Variants in PCDHAC2 observed in about 807,000 individuals in gnomAD.
The protein encoded by PCDHAC2 is protocadherin alpha subfamily C, 2.
A neutral mutation model predicts 63.3 loss-of-function variants in PCDHAC2; 24 were observed. That is an observed-to-expected ratio of 0.38 (90% confidence interval 0.27 to 0.53). The LOEUF is 0.53. Among genes scored for constraint, PCDHAC2 ranks in the 20% least tolerant of loss-of-function variants. PCDHAC2 has a pLI of 0.81. For missense variants in PCDHAC2, 1,181 were observed against 1,275.2 expected (o/e 0.93, Z 1.12); for synonymous variants, 569 against 529.4 (o/e 1.07, Z -1.03).
At chr5:140,984,083 A>C (rs2097086103) in intron 3 of PCDHAC2, among the ~76,000 whole-genome samples, 1 of 152,226 alleles carries the variant, frequency 6.6e-6, no homozygotes, top group South Asian at 2.1e-4. Context: ...GATGGAGTGA[A>C]GAAATGATGG....
intron 3 of PCDHAC2, among the ~76,000 whole-genome samples, chr5:140,991,495 A>C (rs1331520722): frequency 6.6e-6 from 1 of 152,220 alleles, no homozygotes; most frequent in Non-Finnish European, 1.5e-5. Flanking sequence ...GTCCACAGTG[A>C]GTTTCACTGG....
chr5:140,989,215 C>T (rs1162430361), intron 3 of PCDHAC2, among the ~76,000 whole-genome samples: 1 of 152,108 alleles, frequency 6.6e-6, no homozygotes, highest in Non-Finnish European at 1.5e-5. Flanking sequence ...CTTTATACAC[C>T]ATTCTTTGTA....
At chr5:141,007,660 T>C (rs1392469115) in intron 3 of PCDHAC2, among the ~76,000 whole-genome samples, 2 of 152,074 alleles carry the variant, frequency 1.3e-5, no homozygotes, top group Admixed American at 6.5e-5. Flanking sequence ...AAACCATAAA[T>C]TTACAAAGAC....
chr5:140,984,428 G>A (rs2097103075), intron 3 of PCDHAC2, among the ~76,000 whole-genome samples: 1 of 152,100 alleles, frequency 6.6e-6, no homozygotes, highest in African/African-American at 2.4e-5. Context: ...ATAGAGAAGG[G>A]GATCTCCCTT....
chr5:140,995,654 A>C (rs1183016354), intron 3 of PCDHAC2, among the ~76,000 whole-genome samples: 2 of 152,184 alleles, frequency 1.3e-5, no homozygotes, highest in Non-Finnish European at 1.5e-5. Flanking sequence ...AGGAGAATCG[A>C]AAAGGGAAGT....
chr5:140,969,542 C>A, intron 1 of PCDHAC2: 1 of 1,279,482 alleles, frequency 7.8e-7, no homozygotes, highest in Non-Finnish European at 1.1e-6. Context: ...TTTTCAGAGG[C>A]ATGAAGCCTT....
intron 3 of PCDHAC2, among the ~76,000 whole-genome samples, chr5:140,997,129 C>A (rs983112049): frequency 6.6e-6 from 1 of 151,976 alleles, no homozygotes; most frequent in Non-Finnish European, 1.5e-5. Flanking sequence ...ATACACAATG[C>A]CCCCACACCC....
At chr5:141,004,597 C>CTTAG (rs1554259623) in intron 3 of PCDHAC2, among the ~76,000 whole-genome samples, 1 of 152,218 alleles carries the variant, frequency 6.6e-6, no homozygotes, top group African/African-American at 2.4e-5. Flanking sequence ...GATGACAGTG[C>CTTAG]TTAGGCCTCA....
chr5:140,969,253 C>T lies in PCDHAC2; in HGVS notation c.2487C>T (p.Ser829=). ...PSGAQAAVTD[S]RNLTGQSGQN... Reference sequence around the variant, plus strand: ...GAGCCCAAGCAGCAGTGACTGACAGCAGGAATCTCACAGGCCAAAGTGGTC... The same window carrying T: ...GAGCCCAAGCAGCAGTGACTGACAGTAGGAATCTCACAGGCCAAAGTGGTC... Residue 829 remains serine, a synonymous_variant, in exon 1 of 4, where the codon AGC becomes AGT. Coordinates refer to ENST00000289269, the MANE Select transcript of PCDHAC2 (RefSeq NM_018899.6). 3 of 1,614,202 alleles carry T rather than the reference C, an allele frequency of 1.9e-6. No homozygotes were observed. Among genetic ancestry groups the T allele is most frequent in the Non-Finnish European group, 2.5e-6 (3 of 1,180,046 alleles).
At chr5:140,998,099 CAGA>C (rs2097796305) in intron 3 of PCDHAC2, among the ~76,000 whole-genome samples, 1 of 152,130 alleles carries the variant, frequency 6.6e-6, no homozygotes, top group African/African-American at 2.4e-5. Context: ...CTAGAGCAAA[CAGA>C]GGAGAAAATT....
intron 3 of PCDHAC2, among the ~76,000 whole-genome samples, chr5:140,987,107 G>A (rs936936352): frequency 6.6e-6 from 1 of 151,876 alleles, no homozygotes; most frequent in Non-Finnish European, 1.5e-5. Flanking sequence ...CCAGCTACTC[G>A]GGAGGCTGAG....
intron 1 of PCDHAC2, among the ~76,000 whole-genome samples, chr5:140,975,683 G>A (rs1226769029): frequency 2.0e-5 from 3 of 151,934 alleles, no homozygotes; most frequent in Non-Finnish European, 2.9e-5. Context: ...AATAAAATAG[G>A]GTATTTTAAA....
In PCDHAC2 at chr5:141,010,237, G is replaced by C; in HGVS notation, c.*300G>C. 2.6e-6 allele frequency: 4 copies of C among 1,551,914 alleles called. No individual in the cohort carries two copies. The highest frequency in any genetic ancestry group is 3.5e-6 in the Non-Finnish European group (4 of 1,147,042). On this transcript the variant is annotated 3_prime_UTR_variant, in exon 4 of 4. Coordinates refer to ENST00000289269, the MANE Select transcript of PCDHAC2 (RefSeq NM_018899.6). ...AGAGGCTTCCCAGCCCCGCCAGTGA[G>C]AGGTTGGACTCTCTGCCCTGTGCTC...
intron 3 of PCDHAC2, among the ~76,000 whole-genome samples, chr5:140,990,006 G>T (rs1249732911): frequency 1.3e-5 from 2 of 152,116 alleles, no homozygotes; most frequent in Non-Finnish European, 2.9e-5. Flanking sequence ...ATCTCCAAGG[G>T]CGTGGGCTAG....
chr5:140,981,698 A>C (rs1414640370), intron 2 of PCDHAC2, among the ~76,000 whole-genome samples: 1 of 151,174 alleles, frequency 6.6e-6, no homozygotes, highest in Non-Finnish European at 1.5e-5. Context: ...TCATTCATTC[A>C]TTCATTCATT....
In PCDHAC2 at chr5:141,000,327, C is replaced by G. The variant is rs555445425; in HGVS notation, c.2714-9300C>G. On this transcript the variant is annotated intron_variant, in intron 3 of 3. Coordinates refer to ENST00000289269, the MANE Select transcript of PCDHAC2 (RefSeq NM_018899.6). ...GAGTTCAAGACCAGCTTGGGCAACA[C>G]AGCAAGGCCCTATCTCTCTCTCTGT... is the stretch of plus-strand genomic sequence containing the variant. 3.5e-5 allele frequency among the ~76,000 whole-genome samples: 5 copies of G among 144,706 alleles called. No homozygotes were observed. The South Asian group carries it at 1.1e-3, about 32-fold the overall frequency. 94.9% of individuals were successfully genotyped at this position (144,706 alleles called of 152,430 possible). A position where few individuals can be genotyped will look rare whatever the true frequency, so the allele number is the denominator to read the frequency against.
chr5:140,973,799 A>G (rs1470568019), intron 1 of PCDHAC2, among the ~76,000 whole-genome samples: 1 of 152,254 alleles, frequency 6.6e-6, no homozygotes, highest in African/African-American at 2.4e-5. Flanking sequence ...CATGCTGTCT[A>G]CTTGACAGAA....
At position 140,967,146 on chromosome 5, in the gene PCDHAC2, A is replaced by G. The variant is rs782158011; in HGVS notation, c.380A>G (p.Asn127Ser). 1.2e-6 allele frequency: 2 copies of G among 1,610,972 alleles called. No homozygotes were observed. Among genetic ancestry groups the G allele is most frequent in the South Asian group, 1.1e-5 (1 of 90,984 alleles). The change falls in exon 1 of 4, where the codon AAC becomes AGC. Residue 127 changes from asparagine (N) to serine (S), a missense_variant. Asn to Ser is a conservative substitution (Grantham distance 46, BLOSUM62 1). Coordinates refer to ENST00000289269, the MANE Select transcript of PCDHAC2 (RefSeq NM_018899.6). ...CTCAGCTTGGAAGTGCTGGCGCACA[A>G]CCCCGTGGCGGTGAGCGCCGTTGAG... ...CLLSLEVLAHNPVAVSAVEVE... is the reference protein window; with the variant it reads ...CLLSLEVLAHSPVAVSAVEVE...
In PCDHAC2 at chr5:141,011,725, TGCAA is replaced by T. The variant is rs1283017882; in HGVS notation, c.*1792_*1795del. 6.5e-6 allele frequency: 1 copy of T among 153,742 alleles called. No individual in the cohort carries two copies. The highest frequency in any genetic ancestry group is 1.5e-5 in the Non-Finnish European group (1 of 68,032). The allele number at this position is 153,742 out of a possible 1,614,324, so 9.5% of individuals were successfully genotyped here. ...ATACTGACAATATTCCATGAGGGTG[TGCAA>T]GCACAAATTTTACCAATCTGACCTC... On this transcript the variant is annotated 3_prime_UTR_variant, in exon 4 of 4. Coordinates refer to ENST00000289269, the MANE Select transcript of PCDHAC2 (RefSeq NM_018899.6).
Sources: gnomAD v4.1 joint callset for allele counts (sites outside exome capture counted in the v4.1 genomes callset) on GRCh38, gnomAD v4.1.1 for gene constraint, MANE v1.5 for transcripts, NCBI Gene and HGNC (gene_info 2026-07-23, HGNC 2026-07-21) for gene names.